The following C8A variants were observed in gnomAD, a reference collection of about 807,000 sequenced individuals.
C8A encodes complement C8 alpha chain, also known as complement component C8 alpha chain.
Under a neutral mutation model 65.3 loss-of-function variants are expected in C8A, and 67 were observed. The ratio of observed to expected loss-of-function variants is 1.03; its 90% CI spans 0.84 to 1.26. The LOEUF (loss-of-function observed/expected upper bound fraction) is 1.26. Ranked by LOEUF, C8A falls within the 50% of genes most tolerant of loss-of-function variation. The probability of loss-of-function intolerance (pLI) is 0.00; values close to 1 mark genes in which losing one functional copy is unlikely to be tolerated. For missense variants in C8A, 781 were observed against 723.9 expected (o/e 1.08, Z -0.90); for synonymous variants, 290 against 259.4 (o/e 1.12, Z -1.13).
intron 7 of C8A, among the ~76,000 whole-genome samples, chr1:56,894,364 C>A (rs1023478443): frequency 2.0e-5 from 3 of 152,096 alleles, no homozygotes; most frequent in Admixed American, 6.6e-5. Flanking sequence ...TTGGAGGGAC[C>A]ACTCTTCCCA....
At chr1:56,875,251 C>A (rs1000452114) in intron 3 of C8A, among the ~76,000 whole-genome samples, 158 bp downstream of exon 3, 3 of 152,134 alleles carry the variant, frequency 2.0e-5, no homozygotes, top group Admixed American at 6.6e-5. Context: ...GCATTTTAAG[C>A]CAAGCCAGCA....
chr1:56,891,998 A>C (rs916389596), intron 7 of C8A, among the ~76,000 whole-genome samples: 2 of 152,136 alleles, frequency 1.3e-5, no homozygotes, highest in African/African-American at 4.8e-5. Context: ...CTGGGCCCAC[A>C]GTAGATGCAC....
chr1:56,905,819 G>C (rs1387597448), intron 7 of C8A, among the ~76,000 whole-genome samples: 3 of 152,190 alleles, frequency 2.0e-5, no homozygotes, highest in African/African-American at 7.2e-5. Context: ...GAACTCTGTA[G>C]CATGGGCAAT....
intron 1 of C8A, among the ~76,000 whole-genome samples, chr1:56,865,244 C>T (rs1202186465): frequency 6.6e-6 from 1 of 152,210 alleles, no homozygotes; most frequent in African/African-American, 2.4e-5. Flanking sequence ...ACTACTTGGA[C>T]TACTATAACA....
chr1:56,886,014 C>A lies in C8A; in HGVS notation c.943C>A (p.Leu315Met). The A allele has an allele frequency of 6.2e-7, 1 of 1,614,056 alleles. No individual in the cohort carries two copies. Among genetic ancestry groups the A allele is most frequent in the Non-Finnish European group, 8.5e-7 (1 of 1,179,948 alleles). ...KDDIMLDEGM[L>M]QSLMELPDQY... ...TGACATTATGCTGGATGAAGGAATG[C>A]TGCAGTCATTAATGGAGCTTCCAGA... Residue 315 changes from leucine (L) to methionine (M), a missense_variant, in exon 7 of 11, where the codon CTG becomes ATG. Physicochemically the swap from Leu to Met is conservative, Grantham distance 15. Coordinates refer to ENST00000361249, the MANE Select transcript of C8A (RefSeq NM_000562.3).
At position 56,875,046 on chromosome 1, in the gene C8A, G is replaced by T; in HGVS notation, c.269G>T (p.Cys90Phe). The change falls in exon 3 of 11, where the codon TGT (cysteine) becomes TTT (phenylalanine). Residue 90 changes from cysteine (C) to phenylalanine (F), a missense_variant. Cys to Phe is a radical substitution (Grantham distance 205). Transcript: ENST00000361249. ...DQASCSSSTTCVRQAQCGQDF... is the reference protein window; with the variant it reads ...DQASCSSSTTFVRQAQCGQDF... ...GCCAGCTGCTCCAGTTCTACAACTT[G>T]TGTAAGGCAAGCACAGTGTGGACAG... 6.2e-7 allele frequency: 1 copy of T among 1,613,764 alleles called. No homozygotes were observed. The highest frequency in any genetic ancestry group is 1.7e-4 in the Middle Eastern group (1 of 6,060).
Position 56,885,357 on chromosome 1 carries a change from T to C in C8A, c.856-570T>C, listed in dbSNP as rs187413517. ...ATATATTTACATAAATATATATTTATGTAAATATATATTTATATTTATTTA... is the reference window on the plus strand; with the variant it reads ...ATATATTTACATAAATATATATTTACGTAAATATATATTTATATTTATTTA... On this transcript the variant is annotated intron_variant, in intron 6 of 10. Coordinates refer to ENST00000361249, the MANE Select transcript of C8A (RefSeq NM_000562.3). Among the ~76,000 whole-genome samples, 634 of 84,436 alleles carry C rather than the reference T, an allele frequency of 7.5e-3. 29 individuals carry two copies. The highest frequency in any genetic ancestry group is 0.033 in the African/African-American group (588 of 17,618). The allele number at this position is 84,436 out of a possible 152,430, so 55.4% of individuals were successfully genotyped here. A position where few individuals can be genotyped will look rare whatever the true frequency, so the allele number is the denominator to read the frequency against.
intron 10 of C8A, among the ~76,000 whole-genome samples, chr1:56,915,179 C>G (rs115370922): frequency 0.017 from 2,598 of 152,308 alleles, 73 homozygotes; most frequent in South Asian, 0.11. Context: ...GTTACTTGTT[C>G]AAATTCCTCC....
chr1:56,897,693 A>ATAAC (rs1354029936), intron 7 of C8A, among the ~76,000 whole-genome samples: 1 of 152,212 alleles, frequency 6.6e-6, no homozygotes, highest in Non-Finnish European at 1.5e-5. Flanking sequence ...TTGTTTGATT[A>ATAAC]TAACTCCCTT....
chr1:56,911,065 G>GTTTTTTTTT lies in C8A; in HGVS notation c.1381-1330_1381-1322dup, dbSNP rs11325191. On this transcript the variant is annotated intron_variant, in intron 9 of 10. Coordinates refer to ENST00000361249, the MANE Select transcript of C8A (RefSeq NM_000562.3). ...TATGCATGCAATTTGAAAAACATGG[G>GTTTTTTTTT]TTTTTTTTTTTTTTTTACTATTATC... Among the ~76,000 whole-genome samples, 7 of 141,878 alleles carry GTTTTTTTTT rather than the reference G, an allele frequency of 4.9e-5. No homozygotes were observed. In the South Asian group the frequency reaches 9.1e-4, roughly 18 times the overall value. The allele number at this position is 141,878 out of a possible 152,430, so 93.1% of individuals were successfully genotyped here.
chr1:56,916,695 G>A (rs1361028709), intron 10 of C8A, among the ~76,000 whole-genome samples: 1 of 152,070 alleles, frequency 6.6e-6, no homozygotes, highest in Non-Finnish European at 1.5e-5. Context: ...GTCTATGTAA[G>A]ATTTCATTTA....
chr1:56,856,518 A>G (rs368959888), intron 1 of C8A, among the ~76,000 whole-genome samples: 42 of 152,240 alleles, frequency 2.8e-4, no homozygotes, highest in East Asian at 2.3e-3. Context: ...TAATATGCCA[A>G]TTGGCATGGA....
intron 7 of C8A, among the ~76,000 whole-genome samples, chr1:56,887,098 C>A (rs1441387506): frequency 6.6e-6 from 1 of 152,146 alleles, no homozygotes. Flanking sequence ...TATTGCAAAG[C>A]CAAGTTCAAA....
At position 56,912,392 on chromosome 1, in the gene C8A, T is replaced by C; in HGVS notation, c.1381-11T>C. 1 of 1,613,182 alleles carries C rather than the reference T, an allele frequency of 6.2e-7. No individual in the cohort carries two copies. Among genetic ancestry groups the C allele is most frequent in the Non-Finnish European group, 8.5e-7 (1 of 1,179,118 alleles). On this transcript the variant is annotated splice_polypyrimidine_tract_variant and intron_variant, in intron 9 of 10. Coordinates refer to ENST00000361249, the MANE Select transcript of C8A (RefSeq NM_000562.3). ...CCAGGGAGGGGCCCTGTGTTCTTTC[T>C]GTGCCCACAGATGCAGCCTATCCAC...
chr1:56,907,818 A>T, intron 8 of C8A, 138 bp from the exon 9 acceptor site: 1 of 1,022,416 alleles, frequency 9.8e-7, no homozygotes, highest in Non-Finnish European at 1.5e-6. Context: ...CCTGCTAGCT[A>T]ACCAAGAAGA....
intron 10 of C8A, among the ~76,000 whole-genome samples, chr1:56,913,210 C>T (rs1399227513): frequency 1.3e-5 from 2 of 152,182 alleles, no homozygotes; most frequent in East Asian, 3.9e-4. Context: ...CACCCTAATC[C>T]AGCATGACCT....
rs12045195 is a variant in C8A at position 56,904,607 on chromosome 1, G to T, written c.1097-2060G>T. 1.0e-3 allele frequency among the ~76,000 whole-genome samples: 158 copies of T among 152,272 alleles called. 2 individuals carry two copies. In the East Asian group the frequency reaches 0.021, roughly 20 times the overall value. ...ATACCACAGGCTTCTAAACATAACAGACTTGAGCGTGAATCTCAGCTTCAC... is the reference window on the plus strand; with the variant it reads ...ATACCACAGGCTTCTAAACATAACATACTTGAGCGTGAATCTCAGCTTCAC... On this transcript the variant is annotated intron_variant, in intron 7 of 10. Coordinates refer to ENST00000361249, the MANE Select transcript of C8A (RefSeq NM_000562.3).
chr1:56,887,421 T>C (rs1404942368), intron 7 of C8A, among the ~76,000 whole-genome samples: 2 of 152,228 alleles, frequency 1.3e-5, no homozygotes, highest in African/African-American at 4.8e-5. Flanking sequence ...TGGTATCTCA[T>C]TGTGGTTTTG....
chr1:56,872,289 G>C (rs1644153471), intron 2 of C8A, among the ~76,000 whole-genome samples: 1 of 152,312 alleles, frequency 6.6e-6, no homozygotes, highest in Admixed American at 6.5e-5. Flanking sequence ...ACAGTCGTCT[G>C]AGTTGGAGAG....
Sources: gnomAD v4.1 joint callset for allele counts (sites outside exome capture counted in the v4.1 genomes callset) on GRCh38, gnomAD v4.1.1 for gene constraint, MANE v1.5 for transcripts, NCBI Gene and HGNC (gene_info 2026-07-23, HGNC 2026-07-21) for gene names.